SMIM23: variants seen among roughly 807,000 people sequenced by gnomAD.
SMIM23 encodes small integral membrane protein 23.
In SMIM23, 10 loss-of-function variants were observed where a neutral mutation model predicts 12.8. That is an observed-to-expected ratio of 0.78 (90% confidence interval 0.48 to 1.32). The LOEUF (loss-of-function observed/expected upper bound fraction) is 1.32, where lower values mean the gene tolerates loss of function less well. Ranked by LOEUF, SMIM23 falls within the 40% of genes most tolerant of loss-of-function variation. The probability of loss-of-function intolerance (pLI) is 0.00; values close to 1 mark genes in which losing one functional copy is unlikely to be tolerated. For missense variants in SMIM23, 184 were observed against 198.2 expected, an observed-to-expected ratio of 0.93 and a Z score of 0.43; for synonymous variants, 78 against 80.1, an observed-to-expected ratio of 0.97 and a Z score of 0.14.
At chr5:171,773,185 C>T in the SMIM23 span, among the ~76,000 whole-genome samples, 25 of 152,266 alleles carry the variant, frequency 1.6e-4, no homozygotes, top group East Asian at 1.9e-3. Context: ...CGGGTCTCTT[C>T]GGTTCTCTTG....
upstream of SMIM23, among the ~76,000 whole-genome samples, chr5:171,779,942 T>C (rs1260254768): frequency 6.6e-6 from 1 of 152,086 alleles, no homozygotes; most frequent in Non-Finnish European, 1.5e-5. Flanking sequence ...TCATCTCGTT[T>C]AGCGCTCCCA....
upstream of SMIM23, among the ~76,000 whole-genome samples, chr5:171,781,539 C>T (rs941629035): frequency 2.8e-5 from 2 of 72,690 alleles, no homozygotes; most frequent in South Asian, 3.0e-4. Context: ...TGAGAAGTGC[C>T]CCCCCCCGTC....
chr5:171,779,692 T>A (rs1477418671), upstream of SMIM23, among the ~76,000 whole-genome samples: 1 of 152,192 alleles, frequency 6.6e-6, no homozygotes, highest in Non-Finnish European at 1.5e-5. Flanking sequence ...TTTGCAATCT[T>A]ACATTACTGG....
chr5:171,790,173 G>T, intron 1 of SMIM23, 57 bp from the exon 2 acceptor site: 1 of 1,495,468 alleles, frequency 6.7e-7, no homozygotes, highest in South Asian at 1.2e-5. Flanking sequence ...GAAGCAGGGG[G>T]ACCTGGAGAG....
At chr5:171,783,503 A>G (rs892681395), upstream of SMIM23, among the ~76,000 whole-genome samples, 9 of 152,242 alleles carry the variant, frequency 5.9e-5, no homozygotes, top group African/African-American at 2.2e-4. Flanking sequence ...GCAACTGGAC[A>G]TCCATAAGCA....
At chr5:171,781,560 T>G (rs1755726624), upstream of SMIM23, among the ~76,000 whole-genome samples, 1 of 150,836 alleles carries the variant, frequency 6.6e-6, no homozygotes, top group Non-Finnish European at 1.5e-5. Flanking sequence ...TCTAGAGCTG[T>G]TTTTCTTTCT....
chr5:171,774,492 A>G, the SMIM23 span: 8 of 456,098 alleles, frequency 1.8e-5, no homozygotes, highest in Admixed American at 1.4e-4. Flanking sequence ...TGCACCTCGG[A>G]TGGCCGAGGG....
intron 1 of SMIM23, among the ~76,000 whole-genome samples, chr5:171,786,957 T>C (rs1228539616): frequency 6.6e-6 from 1 of 151,424 alleles, no homozygotes; most frequent in African/African-American, 2.4e-5. Flanking sequence ...ATAGCTTTGT[T>C]TACCACAGCA....
upstream of SMIM23, among the ~76,000 whole-genome samples, chr5:171,781,727 C>G (rs547933725): frequency 6.6e-6 from 1 of 152,138 alleles, no homozygotes; most frequent in Admixed American, 6.5e-5. Flanking sequence ...AAATGCCACA[C>G]GCACCAATCT....
At chr5:171,786,079 C>T (rs1015262357) in intron 1 of SMIM23, 103 bp downstream of exon 1, 1 of 952,984 alleles carries the variant, frequency 1.0e-6, no homozygotes, top group Non-Finnish European at 1.6e-6. Flanking sequence ...ATCTTGGACC[C>T]AACCGTCCCT....
At chr5:171,784,657 T>C (rs1486676981), upstream of SMIM23, among the ~76,000 whole-genome samples, 1 of 152,206 alleles carries the variant, frequency 6.6e-6, no homozygotes, top group Non-Finnish European at 1.5e-5. Flanking sequence ...CATGATGCTA[T>C]GGCCCAGCAA....
At chr5:171,781,851 AC>A (rs924505369), upstream of SMIM23, among the ~76,000 whole-genome samples, 7 of 152,090 alleles carry the variant, frequency 4.6e-5, no homozygotes, top group African/African-American at 1.7e-4. Flanking sequence ...ACCAATCAGC[AC>A]TCTGTGTCTA....
the SMIM23 span, chr5:171,773,728 G>A: frequency 2.2e-6 from 1 of 454,460 alleles, no homozygotes. Context: ...AGGAAGCTAG[G>A]CTGCCCAGCT....
upstream of SMIM23, chr5:171,785,780 T>C (rs1755804463): frequency 2.0e-6 from 2 of 1,003,660 alleles, no homozygotes; most frequent in Non-Finnish European, 1.5e-6. Flanking sequence ...AACTCAATGT[T>C]TGCAGGATGC....
upstream of SMIM23, among the ~76,000 whole-genome samples, chr5:171,784,226 C>T (rs1755773600): frequency 6.6e-6 from 1 of 152,138 alleles, no homozygotes; most frequent in African/African-American, 2.4e-5. Flanking sequence ...GTGAAAACAG[C>T]CGGGTGCAGT....
the SMIM23 span, chr5:171,774,233 C>A: frequency 5.5e-6 from 2 of 363,002 alleles, no homozygotes; most frequent in African/African-American, 4.3e-5. Flanking sequence ...CGATGGCATG[C>A]AGCTCTGTCA....
At chr5:171,783,050 G>A (rs1755754538), upstream of SMIM23, among the ~76,000 whole-genome samples, 1 of 152,180 alleles carries the variant, frequency 6.6e-6, no homozygotes, top group Admixed American at 6.5e-5. Flanking sequence ...GGCTTTTAAA[G>A]TATAAGGAAA....
chr5:171,774,415 A>AT, the SMIM23 span: 1 of 456,324 alleles, frequency 2.2e-6, no homozygotes, highest in Non-Finnish European at 4.4e-6. Flanking sequence ...CAGAAACAAT[A>AT]TGGGAACCCA....
chr5:171,787,145 G>C (rs1024912960), intron 1 of SMIM23, among the ~76,000 whole-genome samples: 3 of 149,472 alleles, frequency 2.0e-5, no homozygotes, highest in Non-Finnish European at 3.0e-5. Context: ...TCAGCCTCCC[G>C]AGCAGCTGGG....
Sources: allele counts gnomAD v4.1 joint callset (sites outside exome capture counted in the v4.1 genomes callset), GRCh38; gene constraint gnomAD v4.1.1; transcripts MANE v1.5; gene names NCBI Gene and HGNC (gene_info 2026-07-23, HGNC 2026-07-21).